The following GLT6D1 variants were observed in gnomAD, a reference collection of about 807,000 sequenced individuals.
GLT6D1 encodes the protein glycosyltransferase 6 domain containing 1, also known as putative glycosyltransferase 6 domain-containing protein 1.
Under a neutral mutation model 12.3 loss-of-function variants are expected in GLT6D1, and 9 were observed. The ratio of observed to expected loss-of-function variants is 0.73; its 90% CI spans 0.44 to 1.27. GLT6D1 has a LOEUF of 1.27. Among genes scored for constraint, GLT6D1 ranks in the 50% most tolerant of loss-of-function variants. GLT6D1 has a pLI of 0.00. For synonymous variants in GLT6D1, 128 were observed against 132.3 expected (o/e 0.97, Z 0.23); for missense variants, 335 against 346.2 (o/e 0.97, Z 0.26).
Position 135,623,953 on chromosome 9 carries a change from A to G in GLT6D1, c.*144T>C. ...AGGTCTTAAGACTTCCCTCATTTATAAGAAATTGCCGTGATTCATTTATTC... is the reference window on the plus strand; with the variant it reads ...AGGTCTTAAGACTTCCCTCATTTATGAGAAATTGCCGTGATTCATTTATTC... On this transcript the variant is annotated 3_prime_UTR_variant, in exon 5 of 5. Coordinates refer to ENST00000371763, the MANE Select transcript of GLT6D1 (RefSeq NM_182974.3). 1 of 593,670 alleles carries G rather than the reference A, an allele frequency of 1.7e-6. No homozygotes were observed. 36.8% of individuals were successfully genotyped at this position (593,670 alleles called of 1,614,324 possible).
At chr9:135,634,015 C>A (rs1246691975) in intron 2 of GLT6D1, among the ~76,000 whole-genome samples, 1 of 152,188 alleles carries the variant, frequency 6.6e-6, no homozygotes, top group Non-Finnish European at 1.5e-5. Flanking sequence ...TCATTATCCT[C>A]AAACAGAGCA....
At position 135,624,431 on chromosome 9, in the gene GLT6D1, A is replaced by G; in HGVS notation, c.497T>C (p.Val166Ala). ...EHIASHIQDE[V>A]DFLFSMAANQ... ...GGCAGCCATGCTGAAGAGGAAGTCC[A>G]CCTCGTCCTGGATGTGACTGGCGAT... Residue 166 changes from valine to alanine, a missense_variant, in exon 5 of 5, where the codon GTG (valine) becomes GCG (alanine). By Grantham distance (64) the Val-to-Ala change is moderately conservative. Coordinates refer to ENST00000371763, the MANE Select transcript of GLT6D1 (RefSeq NM_182974.3). 1 of 1,614,054 alleles carries G rather than the reference A, an allele frequency of 6.2e-7. No individual in the cohort carries two copies. Among genetic ancestry groups the G allele is most frequent in the Non-Finnish European group, 8.5e-7 (1 of 1,180,022 alleles).
At chr9:135,626,637 C>T (rs1053952024) in intron 3 of GLT6D1, among the ~76,000 whole-genome samples, 3 of 152,186 alleles carry the variant, frequency 2.0e-5, no homozygotes, top group Non-Finnish European at 4.4e-5. Flanking sequence ...ACCTCCCTTA[C>T]ACAATGCCTT....
chr9:135,640,224 G>T (rs1470433403), upstream of GLT6D1, among the ~76,000 whole-genome samples: 3 of 152,154 alleles, frequency 2.0e-5, no homozygotes, highest in Non-Finnish European at 4.4e-5. Flanking sequence ...CAAAACACAT[G>T]GGGTCTCAAA....
At chr9:135,631,947 A>G (rs1208930092) in intron 2 of GLT6D1, among the ~76,000 whole-genome samples, 1 of 152,164 alleles carries the variant, frequency 6.6e-6, no homozygotes, top group African/African-American at 2.4e-5. Context: ...ATCATAGCTC[A>G]CTGCAGCCTC....
chr9:135,625,837 T>A (rs933544922), intron 4 of GLT6D1, among the ~76,000 whole-genome samples: 2 of 152,194 alleles, frequency 1.3e-5, no homozygotes, highest in Admixed American at 1.3e-4. Flanking sequence ...TGCCTGCCCA[T>A]CAGACATCCG....
At chr9:135,626,868 A>G (rs531020262) in intron 3 of GLT6D1, among the ~76,000 whole-genome samples, 6 of 152,352 alleles carry the variant, frequency 3.9e-5, no homozygotes, top group Non-Finnish European at 2.9e-5. Flanking sequence ...TCTGAAAATC[A>G]ATGAATGTAA....
intron 4 of GLT6D1, among the ~76,000 whole-genome samples, chr9:135,625,069 CAGG>C (rs567834528): frequency 9.7e-4 from 148 of 152,106 alleles, no homozygotes; most frequent in Middle Eastern, 3.4e-3. Context: ...TAAACATGAT[CAGG>C]AGAAGAGGCG....
At chr9:135,633,186 G>A (rs1179048135) in intron 2 of GLT6D1, among the ~76,000 whole-genome samples, 1 of 152,188 alleles carries the variant, frequency 6.6e-6, no homozygotes, top group African/African-American at 2.4e-5. Flanking sequence ...TTGCTTTGCA[G>A]TTTGTGGAAT....
chr9:135,626,718 T>C (rs2119132881), intron 3 of GLT6D1, among the ~76,000 whole-genome samples: 1 of 152,280 alleles, frequency 6.6e-6, no homozygotes, highest in South Asian at 2.1e-4. Flanking sequence ...GATGCCCTTT[T>C]TTTCAGCTTC....
chr9:135,628,311 G>T (rs956736541), intron 3 of GLT6D1, among the ~76,000 whole-genome samples: 9 of 151,888 alleles, frequency 5.9e-5, no homozygotes, highest in Non-Finnish European at 1.0e-4. Context: ...TTTGTCAAAC[G>T]CTTTTTCTGC....
At chr9:135,628,208 T>A (rs1833560622) in intron 3 of GLT6D1, among the ~76,000 whole-genome samples, 1 of 152,130 alleles carries the variant, frequency 6.6e-6, no homozygotes, top group African/African-American at 2.4e-5. Flanking sequence ...TTTACCTATT[T>A]TTTATTGTTG....
chr9:135,634,729 C>G (rs562658188), intron 2 of GLT6D1, among the ~76,000 whole-genome samples: 25 of 150,982 alleles, frequency 1.7e-4, no homozygotes, highest in Admixed American at 1.5e-3. Flanking sequence ...TTTTCAGGAT[C>G]CCACCCAGCA....
intron 2 of GLT6D1, among the ~76,000 whole-genome samples, chr9:135,632,387 A>G (rs761476451): frequency 3.9e-5 from 6 of 152,138 alleles, no homozygotes; most frequent in South Asian, 2.1e-4. Context: ...AATGACTTCA[A>G]GACTGTCCGT....
At chr9:135,632,137 A>AATTT (rs1833663154) in intron 2 of GLT6D1, among the ~76,000 whole-genome samples, 1 of 144,120 alleles carries the variant, frequency 6.9e-6, no homozygotes, top group African/African-American at 2.6e-5. Flanking sequence ...CCTGGGAGCA[A>AATTT]TTTTTTTTTT....
intron 4 of GLT6D1, 137 bp downstream of exon 4, chr9:135,625,928 AGTTT>A: frequency 2.2e-6 from 2 of 904,250 alleles, no homozygotes; most frequent in Non-Finnish European, 3.3e-6. Context: ...TGGACAGGTA[AGTTT>A]GTTTCTCCCC....
intron 3 of GLT6D1, among the ~76,000 whole-genome samples, chr9:135,629,333 C>A (rs1008261521): frequency 2.0e-4 from 31 of 152,190 alleles, no homozygotes; most frequent in Non-Finnish European, 4.0e-4. Context: ...TTTCAATCAC[C>A]TTAAAATTTT....
intron 3 of GLT6D1, among the ~76,000 whole-genome samples, chr9:135,628,940 C>T (rs1314553688): frequency 6.6e-6 from 1 of 151,996 alleles, no homozygotes; most frequent in Non-Finnish European, 1.5e-5. Context: ...AATTTCAGTT[C>T]TCCCTTTTTA....
chr9:135,627,633 T>C (rs1339795635), intron 3 of GLT6D1, among the ~76,000 whole-genome samples: 3 of 152,222 alleles, frequency 2.0e-5, no homozygotes, highest in African/African-American at 4.8e-5. Flanking sequence ...AAAATTCATA[T>C]GTGAGTTTTT....
Sources: gnomAD v4.1 joint callset for allele counts (sites outside exome capture counted in the v4.1 genomes callset) on GRCh38, gnomAD v4.1.1 for gene constraint, MANE v1.5 for transcripts, NCBI Gene and HGNC (gene_info 2026-07-23, HGNC 2026-07-21) for gene names.